Variants in EDEM1 observed in about 807,000 individuals in gnomAD.
The protein encoded by EDEM1 is ER degradation-enhancing alpha-mannosidase-like protein 1.
Under a neutral mutation model 74.4 loss-of-function variants are expected in EDEM1, and 67 were observed. The observed-to-expected ratio is 0.90, with a 90% CI of 0.74 to 1.10. EDEM1 has a LOEUF of 1.10. EDEM1 is among the 50% of genes least tolerant of loss of function. The probability of loss-of-function intolerance (pLI) is 0.00; values close to 1 mark genes in which losing one functional copy is unlikely to be tolerated. For missense variants in EDEM1, 926 were observed against 851.6 expected (o/e 1.09, Z -1.09); for synonymous variants, 382 against 335.9 (o/e 1.14, Z -1.50).
Position 5,215,959 on chromosome 3 carries a change from G to T in EDEM1, c.*41G>T. 3 of 1,559,884 alleles carry T rather than the reference G, an allele frequency of 1.9e-6. No individual in the cohort carries two copies. The South Asian group carries it at 3.4e-5, about 18-fold the overall frequency. On this transcript the variant is annotated 3_prime_UTR_variant, in exon 12 of 12. Coordinates refer to ENST00000256497, the MANE Select transcript of EDEM1 (RefSeq NM_014674.3). The stretch of plus-strand genomic sequence containing the variant: ...GCCTCATCTTGAACCAGACCTTAAC[G>T]ACCAAACCCAGACCATGCCAAAGTC...
At chr3:5,207,425 A>C in intron 7 of EDEM1, 152 bp downstream of exon 7, 1 of 1,159,374 alleles carries the variant, frequency 8.6e-7, no homozygotes, top group South Asian at 1.6e-5. Flanking sequence ...TGTTTGAGAA[A>C]TTAGTCTCCA....
Position 5,216,042 on chromosome 3 carries a change from G to T in EDEM1, c.*124G>T. 1.4e-6 allele frequency: 1 copy of T among 720,724 alleles called. No homozygotes were observed. The highest frequency in any genetic ancestry group is 2.3e-6 in the Non-Finnish European group (1 of 429,708). The allele number at this position is 720,724 out of a possible 1,614,324, so 44.6% of individuals were successfully genotyped here. ...TGTCCATGGTGGTGTAGGAATTTCTGTGCAACACCTCACCACGTCTGGTTA... is the reference window on the plus strand; with the variant it reads ...TGTCCATGGTGGTGTAGGAATTTCTTTGCAACACCTCACCACGTCTGGTTA... On this transcript the variant is annotated 3_prime_UTR_variant, in exon 12 of 12. Coordinates refer to ENST00000256497, the MANE Select transcript of EDEM1 (RefSeq NM_014674.3).
At chr3:5,190,086 ACAT>A (rs10554837) in intron 1 of EDEM1, among the ~76,000 whole-genome samples, 40,420 of 151,792 alleles carry the variant, frequency 0.27, 8,783 homozygotes, top group African/African-American at 0.6. Flanking sequence ...TTTTAAATCA[ACAT>A]CATTAAAGTT....
intron 3 of EDEM1, among the ~76,000 whole-genome samples, chr3:5,200,767 T>C (rs756317959): frequency 3.9e-5 from 6 of 152,174 alleles, no homozygotes; most frequent in Non-Finnish European, 7.3e-5. Context: ...TTCCTCCTCC[T>C]CTTCACCTTG....
rs942319276 is a variant in EDEM1, at chr3:5,219,944, G to T, written c.*4026G>T. The T allele has an allele frequency of 2.6e-5, 4 of 152,328 alleles. No individual in the cohort carries two copies. Among genetic ancestry groups the T allele is most frequent in the Non-Finnish European group, 5.9e-5 (4 of 68,010 alleles). 9.4% of individuals were successfully genotyped at this position (152,328 alleles called of 1,614,324 possible). ...TTTTTATGAGTAATTTTTATTAAAA[G>T]ATTTCTTTTTTTGAGTTGTCATCTT... On this transcript the variant is annotated 3_prime_UTR_variant, in exon 12 of 12. Coordinates refer to ENST00000256497, the MANE Select transcript of EDEM1 (RefSeq NM_014674.3).
intron 11 of EDEM1, among the ~76,000 whole-genome samples, chr3:5,214,302 G>A (rs1179997621): frequency 6.6e-6 from 1 of 152,226 alleles, no homozygotes; most frequent in South Asian, 2.1e-4. Context: ...GTGGTCAGGA[G>A]TTCGGCAGCC....
At chr3:5,197,285 G>A (rs1158849319) in intron 2 of EDEM1, among the ~76,000 whole-genome samples, 1 of 152,134 alleles carries the variant, frequency 6.6e-6, no homozygotes, top group Non-Finnish European at 1.5e-5. Context: ...AAATGAACTT[G>A]AGAAATTCCG....
At chr3:5,199,512 G>T (rs2055008716) in intron 2 of EDEM1, 80 bp from the exon 3 acceptor site, 2 of 991,882 alleles carry the variant, frequency 2.0e-6, no homozygotes, top group Admixed American at 2.4e-5. Context: ...ACATTTAGGT[G>T]ACGTGACTGG....
In EDEM1 at chr3:5,188,159, C is replaced by T. The variant is rs1205829407; in HGVS notation, c.354C>T (p.Tyr118=). ...GCCCGGACGAGTACGAGAAGCGCTACAGCGGCGCCTTCCCTCCGCAGCTGC... is the reference window on the plus strand; with the variant it reads ...GCCCGGACGAGTACGAGAAGCGCTATAGCGGCGCCTTCCCTCCGCAGCTGC... The part of the protein sequence containing the change: ...GRGPDEYEKR[Y]SGAFPPQLRA... The change falls in exon 1 of 12, where the codon TAC becomes TAT. Residue 118 remains tyrosine, a synonymous_variant. Transcript: ENST00000256497. 7.1e-6 allele frequency: 11 copies of T among 1,546,380 alleles called. No individual in the cohort carries two copies. The South Asian group carries it at 7.2e-5, about 10-fold the overall frequency.
At position 5,199,574 on chromosome 3, in the gene EDEM1, G is replaced by T; in HGVS notation, c.583-18G>T. The T allele has an allele frequency of 6.3e-7, 1 of 1,587,208 alleles. No individual in the cohort carries two copies. The highest frequency in any genetic ancestry group is 8.6e-7 in the Non-Finnish European group (1 of 1,156,994). ...TCATTTCAAGTTGCTGTAATGACCT[G>T]TGTTCCTCTTTTTAAAGATAATGGG... On this transcript the variant is annotated intron_variant, in intron 2 of 11. Transcript: ENST00000256497.
intron 10 of EDEM1, among the ~76,000 whole-genome samples, chr3:5,212,830 A>G (rs1039530168): frequency 6.6e-6 from 1 of 152,212 alleles, no homozygotes; most frequent in Admixed American, 6.5e-5. Flanking sequence ...CTTGTTGTGC[A>G]AGAAGTGAAG....
chr3:5,209,829 G>C (rs1314264547), intron 8 of EDEM1, among the ~76,000 whole-genome samples: 1 of 152,154 alleles, frequency 6.6e-6, no homozygotes, highest in Non-Finnish European at 1.5e-5. Context: ...GGAGAGTTCT[G>C]AGGCAAGATA....
rs373964870 is a variant in EDEM1 at position 5,187,774 on chromosome 3, T to C, written c.-32T>C. ...GTGGTCGGCGGGGAGGCCCCCGCGCTTTAAAATAATGCCCGCGGCGCCCGC... is the reference window on the plus strand; with the variant it reads ...GTGGTCGGCGGGGAGGCCCCCGCGCCTTAAAATAATGCCCGCGGCGCCCGC... On this transcript the variant is annotated 5_prime_UTR_variant, in exon 1 of 12. Transcript: ENST00000256497. 100 of 1,526,564 alleles carry C rather than the reference T, an allele frequency of 6.6e-5. No individual in the cohort carries two copies. The African/African-American group carries it at 1.4e-3, about 21-fold the overall frequency. The allele number at this position is 1,526,564 out of a possible 1,614,324, so 94.6% of individuals were successfully genotyped here. A position where few individuals can be genotyped will look rare whatever the true frequency, so the allele number is the denominator to read the frequency against.
In EDEM1 at chr3:5,217,803, A is replaced by C. The variant is rs1308264074; in HGVS notation, c.*1885A>C. 2 of 152,312 alleles carry C rather than the reference A, an allele frequency of 1.3e-5. No individual in the cohort carries two copies. The highest frequency in any genetic ancestry group is 1.3e-4 in the Admixed American group (2 of 15,296). The allele number at this position is 152,312 out of a possible 1,614,324, so 9.4% of individuals were successfully genotyped here. On this transcript the variant is annotated 3_prime_UTR_variant, in exon 12 of 12. Coordinates refer to ENST00000256497, the MANE Select transcript of EDEM1 (RefSeq NM_014674.3). ...CTCATTGAAAATGTTAATTACACAC[A>C]CATGCATGCATGCACACACGAGCAT...
At chr3:5,192,860 T>G (rs569393943) in intron 1 of EDEM1, among the ~76,000 whole-genome samples, 70 of 152,074 alleles carry the variant, frequency 4.6e-4, no homozygotes, top group African/African-American at 1.5e-3. Flanking sequence ...ATACCCCAGA[T>G]CTTAGAGAGG....
At position 5,187,969 on chromosome 3, in the gene EDEM1, C is replaced by T. The variant is rs556204754; in HGVS notation, c.164C>T (p.Pro55Leu). Reference protein sequence around the residue: ...RLRSPDGPASPTSGPVGRPGG... With the variant: ...RLRSPDGPASLTSGPVGRPGG... ...AGGAGCCCCGACGGCCCCGCGTCGC[C>T]CACCTCGGGGCCCGTGGGCCGGCCT... The change falls in exon 1 of 12, where the codon CCC becomes CTC. Residue 55 changes from proline (P) to leucine (L), a missense_variant. Transcript: ENST00000256497. 1 of 1,554,818 alleles carries T rather than the reference C, an allele frequency of 6.4e-7. No individual in the cohort carries two copies. The highest frequency in any genetic ancestry group is 8.7e-7 in the Non-Finnish European group (1 of 1,154,186).
At chr3:5,202,885 A>G (rs2055050029) in intron 4 of EDEM1, 81 bp from the exon 5 acceptor site, 1 of 1,292,900 alleles carries the variant, frequency 7.7e-7, no homozygotes. Flanking sequence ...TTATTAGCTG[A>G]GTGTAGTCTC....
Position 5,188,144 on chromosome 3 carries a change from G to A in EDEM1, c.339G>A (p.Glu113=), listed in dbSNP as rs757211208. The part of the protein sequence containing the change: ...VLGGRGRGPD[E]YEKRYSGAFP... The stretch of plus-strand genomic sequence containing the variant: ...GCGGCCGGGGCCGCGGCCCGGACGA[G>A]TACGAGAAGCGCTACAGCGGCGCCT... Residue 113 remains glutamate, a synonymous_variant, in exon 1 of 12, where the codon GAG becomes GAA. Transcript: ENST00000256497. 1.3e-6 allele frequency: 2 copies of A among 1,536,670 alleles called. No homozygotes were observed. Among genetic ancestry groups the A allele is most frequent in the Non-Finnish European group, 8.8e-7 (1 of 1,141,806 alleles).
At chr3:5,196,930 CTTTTCTTTTTTTTTT>C (rs1257028170) in intron 2 of EDEM1, among the ~76,000 whole-genome samples, 22 of 148,674 alleles carry the variant, frequency 1.5e-4, no homozygotes, top group South Asian at 2.1e-4. Flanking sequence ...CTTTTCTTTT[CTTTTCTTTTTTTTTT>C]TTTTGAGAGA....
Sources: gnomAD v4.1 joint callset for allele counts (sites outside exome capture counted in the v4.1 genomes callset) on GRCh38, gnomAD v4.1.1 for gene constraint, MANE v1.5 for transcripts, NCBI Gene and HGNC (gene_info 2026-07-23, HGNC 2026-07-21) for gene names.